Variants in ODAD2 observed in about 807,000 individuals in gnomAD.
ODAD2 encodes the protein outer dynein arm-docking complex subunit 2.
Under a neutral mutation model 106.8 loss-of-function variants are expected in ODAD2, and 89 were observed. That is an observed-to-expected ratio of 0.83 (90% CI 0.70 to 0.99). The LOEUF (loss-of-function observed/expected upper bound fraction) is 0.99, where lower values mean the gene tolerates loss of function less well. ODAD2 is among the 50% of genes least tolerant of loss of function. The probability of loss-of-function intolerance (pLI) is 0.00; values close to 1 mark genes in which losing one functional copy is unlikely to be tolerated. For missense variants in ODAD2, 1,168 were observed against 1,238.5 expected, an observed-to-expected ratio of 0.94 and a Z score of 0.85; for synonymous variants, 404 against 436.2, an observed-to-expected ratio of 0.93 and a Z score of 0.92.
intron 16 of ODAD2, among the ~76,000 whole-genome samples, chr10:27,923,604 A>G (rs1844946241): frequency 6.6e-6 from 1 of 152,134 alleles, no homozygotes; most frequent in Non-Finnish European, 1.5e-5. Context: ...TAAGTAATAT[A>G]AAGTAGATCT....
At chr10:27,975,194 C>T (rs1849114825) in intron 7 of ODAD2, among the ~76,000 whole-genome samples, 1 of 152,110 alleles carries the variant, frequency 6.6e-6, no homozygotes, top group Non-Finnish European at 1.5e-5. Flanking sequence ...TTATTCACAA[C>T]TGAATTCCTC....
intron 17 of ODAD2, among the ~76,000 whole-genome samples, chr10:27,891,935 G>A (rs940523189): frequency 2.5e-5 from 3 of 118,732 alleles, no homozygotes; most frequent in Admixed American, 9.9e-5. Context: ...AGACAGTTTT[G>A]CTTCTTAAGA....
At chr10:27,830,883 T>C (rs1352673918) in intron 19 of ODAD2, among the ~76,000 whole-genome samples, 1 of 152,258 alleles carries the variant, frequency 6.6e-6, no homozygotes, top group African/African-American at 2.4e-5. Context: ...GTGCACATCT[T>C]ATACTTCTGG....
intron 9 of ODAD2, among the ~76,000 whole-genome samples, chr10:27,965,511 G>A (rs758902576): frequency 6.6e-6 from 1 of 152,170 alleles, no homozygotes; most frequent in Non-Finnish European, 1.5e-5. Context: ...TTGGGCTATT[G>A]CAGAGCAAGA....
intron 19 of ODAD2, among the ~76,000 whole-genome samples, chr10:27,827,571 C>T (rs1368321071): frequency 2.0e-5 from 3 of 152,010 alleles, no homozygotes; most frequent in East Asian, 1.9e-4. Context: ...CCCCAGGCAT[C>T]ACATCCAAAA....
At chr10:27,930,358 C>CA (rs1564515371) in intron 16 of ODAD2, among the ~76,000 whole-genome samples, 1 of 151,900 alleles carries the variant, frequency 6.6e-6, no homozygotes, top group Non-Finnish European at 1.5e-5. Flanking sequence ...CCTGTCTTTA[C>CA]AAAAAAATTT....
At chr10:27,855,053 CTG>C (rs1167051280) in intron 19 of ODAD2, among the ~76,000 whole-genome samples, 1 of 152,036 alleles carries the variant, frequency 6.6e-6, no homozygotes, top group Non-Finnish European at 1.5e-5. Context: ...TACCAGGAAA[CTG>C]TGGGTGATCA....
At position 27,939,908 on chromosome 10, in the gene ODAD2, C is replaced by A; in HGVS notation, c.2086G>T (p.Ala696Ser). ...AGAGTTCACTGCACCTGGTAAATGG[C>A]CATGGCGCAGTGCTCCTGCAGCTGC... ...NEQLQEHCAM[A>S]IYQCAEDKET... The change falls in exon 14 of 20, where the codon GCC becomes TCC. Residue 696 changes from alanine (A) to serine (S), a missense_variant. Physicochemically the swap from Ala to Ser is moderately conservative, Grantham distance 99. This residue lies in a region of ODAD2 where 701 missense variants were observed against 712.3 expected (regional missense o/e 0.98). Transcript: ENST00000305242. 1 of 1,601,146 alleles carries A rather than the reference C, an allele frequency of 6.2e-7. No homozygotes were observed. The highest frequency in any genetic ancestry group is 1.1e-5 in the South Asian group (1 of 89,210).
chr10:27,855,682 C>T (rs1839604910), intron 19 of ODAD2, among the ~76,000 whole-genome samples: 2 of 152,082 alleles, frequency 1.3e-5, no homozygotes, highest in African/African-American at 2.4e-5. Flanking sequence ...GGTGTGTTTG[C>T]GTCTGGGATC....
At chr10:27,866,492 C>A (rs907985408) in intron 17 of ODAD2, among the ~76,000 whole-genome samples, 1 of 152,152 alleles carries the variant, frequency 6.6e-6, no homozygotes, top group African/African-American at 2.4e-5. Flanking sequence ...TTCCAAGGAT[C>A]ATCTTGGTCC....
At chr10:27,993,464 A>C (rs1486657859) in intron 2 of ODAD2, among the ~76,000 whole-genome samples, 1 of 152,094 alleles carries the variant, frequency 6.6e-6, no homozygotes, top group Non-Finnish European at 1.5e-5. Context: ...AGCCTGGGCA[A>C]CATGGGGAAA....
At chr10:27,982,568 T>A (rs1395722879) in intron 6 of ODAD2, among the ~76,000 whole-genome samples, 2 of 152,112 alleles carry the variant, frequency 1.3e-5, no homozygotes, top group Non-Finnish European at 2.9e-5. Context: ...ATGAGCTCAG[T>A]GTCATGCTAA....
At chr10:27,973,342 T>G (rs1035047736) in intron 7 of ODAD2, among the ~76,000 whole-genome samples, 1 of 151,908 alleles carries the variant, frequency 6.6e-6, no homozygotes, top group South Asian at 2.1e-4. Context: ...AAAAATAAAA[T>G]AGTTTATTTT....
chr10:27,838,461 A>G (rs181278667), intron 19 of ODAD2, among the ~76,000 whole-genome samples: 95 of 152,342 alleles, frequency 6.2e-4, no homozygotes, highest in Non-Finnish European at 3.8e-4. Flanking sequence ...ATAATTTCCA[A>G]TGGAAAGAAT....
At chr10:27,825,618 C>G (rs1176614459) in intron 19 of ODAD2, among the ~76,000 whole-genome samples, 1 of 152,176 alleles carries the variant, frequency 6.6e-6, no homozygotes, top group African/African-American at 2.4e-5. Context: ...CATGACTAAG[C>G]TATTAATGAG....
chr10:27,935,402 G>T, intron 15 of ODAD2, 150 bp from the exon 16 acceptor site: 1 of 1,090,964 alleles, frequency 9.2e-7, no homozygotes, highest in Non-Finnish European at 1.3e-6. Context: ...TTGGTAAATA[G>T]TAGAGCTGAC....
chr10:27,937,354 T>TC (rs1402129331), intron 14 of ODAD2, among the ~76,000 whole-genome samples: 3 of 150,820 alleles, frequency 2.0e-5, no homozygotes, highest in African/African-American at 4.9e-5. Context: ...TTTTTTTTTT[T>TC]TGAGAGAGAC....
intron 19 of ODAD2, among the ~76,000 whole-genome samples, chr10:27,827,749 T>G (rs1043778772): frequency 1.1e-4 from 17 of 152,108 alleles, no homozygotes; most frequent in African/African-American, 4.1e-4. Flanking sequence ...CAGAGTAACT[T>G]CTAAAGGGTC....
chr10:27,890,744 C>A (rs1478627203), intron 17 of ODAD2, among the ~76,000 whole-genome samples: 1 of 147,734 alleles, frequency 6.8e-6, no homozygotes, highest in African/African-American at 2.5e-5. Context: ...CTTATGTCCC[C>A]ACTTGAAAAT....
Sources: gnomAD v4.1 joint callset for allele counts (sites outside exome capture counted in the v4.1 genomes callset) on GRCh38, gnomAD v4.1.1 for gene constraint, gnomAD v4.1.1 regional missense constraint, MANE v1.5 for transcripts, NCBI Gene and HGNC (gene_info 2026-07-23, HGNC 2026-07-21) for gene names.